CNNM2: variants seen among roughly 807,000 people sequenced by gnomAD.
CNNM2 encodes metal transporter CNNM2.
CNNM2 carries 12 observed loss-of-function variants against 66.9 expected under a neutral mutation model. That is an observed-to-expected ratio of 0.18 (90% CI 0.11 to 0.29). The LOEUF (loss-of-function observed/expected upper bound fraction) is 0.29, where lower values mean the gene tolerates loss of function less well. Ranked by LOEUF, CNNM2 falls within the 10% of genes least tolerant of loss-of-function variation. CNNM2 has a pLI of 1.00. For missense variants in CNNM2, 705 were observed against 1,167.7 expected, an observed-to-expected ratio of 0.60 and a Z score of 5.77; for synonymous variants, 557 against 501.8, an observed-to-expected ratio of 1.11 and a Z score of -1.47.
chr10:103,041,890 CTT>C (rs971246292), intron 1 of CNNM2, among the ~76,000 whole-genome samples: 6 of 152,278 alleles, frequency 3.9e-5, no homozygotes, highest in Admixed American at 1.3e-4. Flanking sequence ...AGCGCTGGCT[CTT>C]TTCGCCATCC....
At chr10:102,994,797 C>T (rs1233295989) in intron 1 of CNNM2, among the ~76,000 whole-genome samples, 1 of 152,234 alleles carries the variant, frequency 6.6e-6, no homozygotes, top group Non-Finnish European at 1.5e-5. Context: ...AATGCCTTGG[C>T]CTATGCCTGT....
At chr10:102,930,803 C>A (rs1387465344) in intron 1 of CNNM2, among the ~76,000 whole-genome samples, 2 of 152,062 alleles carry the variant, frequency 1.3e-5, no homozygotes, top group Non-Finnish European at 2.9e-5. Flanking sequence ...TGAAATGTGG[C>A]CTTTTGTGGC....
At chr10:103,060,422 G>T (rs1179106694) in intron 4 of CNNM2, among the ~76,000 whole-genome samples, 1 of 152,016 alleles carries the variant, frequency 6.6e-6, no homozygotes, top group African/African-American at 2.4e-5. Flanking sequence ...TCAGCTAGGA[G>T]TGGTGGCAGC....
chr10:102,943,438 C>T (rs1033427254), intron 1 of CNNM2, among the ~76,000 whole-genome samples: 3 of 151,820 alleles, frequency 2.0e-5, no homozygotes, highest in African/African-American at 7.3e-5. Context: ...AAAACCCCAT[C>T]TCTAAAACAA....
intron 1 of CNNM2, among the ~76,000 whole-genome samples, chr10:103,004,117 C>T (rs934270674): frequency 2.2e-5 from 3 of 138,790 alleles, no homozygotes; most frequent in African/African-American, 8.0e-5. Flanking sequence ...ATTCTCCTAC[C>T]TCAGCCTCCC....
At chr10:103,048,670 T>C (rs1279103546) in intron 1 of CNNM2, among the ~76,000 whole-genome samples, 1 of 151,934 alleles carries the variant, frequency 6.6e-6, no homozygotes. Flanking sequence ...GTGTTTGAAG[T>C]AAAAACATTC....
At position 103,084,892 on chromosome 10, in the gene CNNM2, A is replaced by G. The variant is rs2065789476; in HGVS notation, c.*7712A>G. 6.6e-6 allele frequency: 1 copy of G among 152,308 alleles called. No individual in the cohort carries two copies. Among genetic ancestry groups the G allele is most frequent in the Admixed American group, 6.5e-5 (1 of 15,298 alleles). The allele number at this position is 152,308 out of a possible 1,614,324, so 9.4% of individuals were successfully genotyped here. On this transcript the variant is annotated 3_prime_UTR_variant, in exon 8 of 8. Transcript: ENST00000369878. ...TTTATACTTTTTGAAGGTAATTTAA[A>G]AGAGATGATTCTTTATTAAAGCCAA...
chr10:103,054,238 T>A lies in CNNM2; in HGVS notation c.1766-91T>A, dbSNP rs2065261008. The A allele has an allele frequency of 2.1e-6, 3 of 1,419,328 alleles. No individual in the cohort carries two copies. In the Admixed American group the frequency reaches 6.4e-5, roughly 31 times the overall value. The allele number at this position is 1,419,328 out of a possible 1,614,324, so 87.9% of individuals were successfully genotyped here. A position where few individuals can be genotyped will look rare whatever the true frequency, so the allele number is the denominator to read the frequency against. On this transcript the variant is annotated intron_variant, in intron 2 of 7. Transcript: ENST00000369878. This position sits in a 1 kb window ranked among gnomAD's most constrained non-coding sequence, Gnocchi z 5.2. ...TGCATCTGGAAATACAGTCCAGCTCTTCCAATATATTTTGTCTTTTTCATT... is the reference window on the plus strand; with the variant it reads ...TGCATCTGGAAATACAGTCCAGCTCATCCAATATATTTTGTCTTTTTCATT...
intron 1 of CNNM2, among the ~76,000 whole-genome samples, chr10:102,944,249 TTG>T (rs1846531357): frequency 1.3e-5 from 2 of 151,976 alleles, no homozygotes. Context: ...CAGCTAGTTT[TTG>T]TATTTTTAAT....
chr10:102,926,228 C>A (rs553940296), intron 1 of CNNM2, among the ~76,000 whole-genome samples: 20 of 152,150 alleles, frequency 1.3e-4, no homozygotes, highest in Non-Finnish European at 2.9e-4. Context: ...GAAATTCTCA[C>A]AGAGAATCAT....
At chr10:102,993,184 A>G (rs911124694) in intron 1 of CNNM2, among the ~76,000 whole-genome samples, 1 of 152,182 alleles carries the variant, frequency 6.6e-6, no homozygotes, top group Admixed American at 6.6e-5. Context: ...ATTTACCATC[A>G]TTATGTTTAC....
At chr10:102,992,486 TGG>T (rs1267029630) in intron 1 of CNNM2, among the ~76,000 whole-genome samples, 4 of 152,174 alleles carry the variant, frequency 2.6e-5, no homozygotes, top group Admixed American at 2.6e-4. Flanking sequence ...TTGGCCAGGC[TGG>T]TCTCGAACTC....
intron 1 of CNNM2, among the ~76,000 whole-genome samples, chr10:103,047,497 AG>A (rs938283909): frequency 6.6e-6 from 1 of 152,216 alleles, no homozygotes; most frequent in African/African-American, 2.4e-5. Flanking sequence ...TAAAGTCTGG[AG>A]TTTACTTAAT....
At chr10:102,997,527 G>A (rs1324145745) in intron 1 of CNNM2, among the ~76,000 whole-genome samples, 1 of 152,132 alleles carries the variant, frequency 6.6e-6, no homozygotes, top group Non-Finnish European at 1.5e-5. Flanking sequence ...GAAGACAGAT[G>A]TGAGGTCTAG....
intron 1 of CNNM2, among the ~76,000 whole-genome samples, chr10:103,002,476 A>C (rs943934515): frequency 2.3e-5 from 3 of 131,570 alleles, no homozygotes; most frequent in African/African-American, 8.4e-5. Flanking sequence ...ACAAGACTGG[A>C]ATCTTTTTTT....
chr10:102,968,498 G>C (rs138333870), intron 1 of CNNM2, among the ~76,000 whole-genome samples: 1 of 152,150 alleles, frequency 6.6e-6, no homozygotes, highest in African/African-American at 2.4e-5. Context: ...GCCCGCCTTG[G>C]CCTCCCAAAG....
At chr10:103,068,434 A>G (rs1350355755) in intron 4 of CNNM2, 195 bp from the exon 5 acceptor site, 1 of 586,054 alleles carries the variant, frequency 1.7e-6, no homozygotes, top group Non-Finnish European at 3.1e-6. Context: ...CTGTATAATC[A>G]GCCAAATCCA....
Position 103,018,751 on chromosome 10 carries a change from C to T in CNNM2, c.1622-30956C>T, listed in dbSNP as rs146863346. Among the ~76,000 whole-genome samples, 7 of 141,598 alleles carry T rather than the reference C, an allele frequency of 4.9e-5. No homozygotes were observed. In the East Asian group the frequency reaches 8.2e-4, roughly 17 times the overall value. 92.9% of individuals were successfully genotyped at this position (141,598 alleles called of 152,430 possible). A position where few individuals can be genotyped will look rare whatever the true frequency, so the allele number is the denominator to read the frequency against. ...TGCACTCACTGCAACCTCCAACTCT[C>T]GGGTTCAAGTGATTCTCCTCCCTCA... On this transcript the variant is annotated intron_variant, in intron 1 of 7. Transcript: ENST00000369878.
chr10:102,944,198 C>T (rs967100682), intron 1 of CNNM2, among the ~76,000 whole-genome samples: 8 of 137,190 alleles, frequency 5.8e-5, no homozygotes, highest in Non-Finnish European at 1.2e-4. Context: ...CCTGTCTCAG[C>T]CCCCCGAGTA....
Sources: gnomAD v4.1 joint callset for allele counts (sites outside exome capture counted in the v4.1 genomes callset) on GRCh38, gnomAD v4.1.1 for gene constraint, Gnocchi (gnomAD v3.1) non-coding constraint, MANE v1.5 for transcripts, NCBI Gene and HGNC (gene_info 2026-07-23, HGNC 2026-07-21) for gene names.